Variants in PDE7B observed in about 807,000 individuals in gnomAD.
The protein encoded by PDE7B is 3',5'-cyclic-AMP phosphodiesterase 7B.
PDE7B carries 29 observed loss-of-function variants against 56.2 expected under a neutral mutation model. The observed-to-expected ratio is 0.52, with a 90% confidence interval of 0.38 to 0.70. The LOEUF is 0.70. Ranked by LOEUF, PDE7B falls within the 30% of genes least tolerant of loss-of-function variation. The probability of loss-of-function intolerance (pLI) is 0.00; values close to 1 mark genes in which losing one functional copy is unlikely to be tolerated. For synonymous variants in PDE7B, 197 were observed against 196.9 expected, an observed-to-expected ratio of 1.00 and a Z score of 0.00; for missense variants, 490 against 565.0, an observed-to-expected ratio of 0.87 and a Z score of 1.35.
At chr6:136,130,010 T>C (rs1191291006) in intron 3 of PDE7B, among the ~76,000 whole-genome samples, 1 of 152,180 alleles carries the variant, frequency 6.6e-6, no homozygotes, top group Non-Finnish European at 1.5e-5. Flanking sequence ...GCACGGTATG[T>C]GTATATTCAT....
chr6:136,127,680 G>A (rs1451175184), intron 3 of PDE7B, among the ~76,000 whole-genome samples: 5 of 152,098 alleles, frequency 3.3e-5, no homozygotes, highest in African/African-American at 9.7e-5. Flanking sequence ...TCTGAAATTC[G>A]ATATAATTAG....
At chr6:135,891,134 C>T (rs1268257329) in intron 1 of PDE7B, among the ~76,000 whole-genome samples, 1 of 152,158 alleles carries the variant, frequency 6.6e-6, no homozygotes, top group Admixed American at 6.5e-5. Flanking sequence ...ATTTTTCCCT[C>T]GGCATAAGCC....
At chr6:135,889,750 AT>A (rs35311247) in intron 1 of PDE7B, among the ~76,000 whole-genome samples, 1,657 of 74,830 alleles carry the variant, frequency 0.022, 24 homozygotes, top group African/African-American at 0.084. Flanking sequence ...CGGTGCTACC[AT>A]TTTTTTTTTT....
intron 1 of PDE7B, among the ~76,000 whole-genome samples, chr6:135,883,895 C>G (rs1357485814): frequency 1.3e-5 from 2 of 152,192 alleles, no homozygotes; most frequent in African/African-American, 4.8e-5. Flanking sequence ...TTCTGCCCAG[C>G]CTTGCTGGGT....
intron 3 of PDE7B, among the ~76,000 whole-genome samples, chr6:136,144,624 A>G (rs560677271): frequency 1.3e-5 from 2 of 152,264 alleles, no homozygotes; most frequent in South Asian, 4.1e-4. Flanking sequence ...TCTGATACAG[A>G]ATCCAGTTAA....
chr6:136,002,032 T>TG (rs1775678199), intron 2 of PDE7B, among the ~76,000 whole-genome samples: 1 of 152,044 alleles, frequency 6.6e-6, no homozygotes, highest in East Asian at 1.9e-4. Context: ...CAGAAGAGAG[T>TG]GGGGGCCAAT....
intron 1 of PDE7B, among the ~76,000 whole-genome samples, chr6:135,869,159 G>A (rs1465167148): frequency 1.3e-5 from 2 of 152,096 alleles, no homozygotes; most frequent in Admixed American, 1.3e-4. Context: ...AAAATTATAA[G>A]TAGTTTCCTT....
chr6:136,121,069 G>T (rs1777926154), intron 3 of PDE7B, among the ~76,000 whole-genome samples: 1 of 152,124 alleles, frequency 6.6e-6, no homozygotes, highest in South Asian at 2.1e-4. Context: ...TCTAGCAGTG[G>T]AAACAAGTTT....
At chr6:136,015,897 A>G (rs1452671021) in intron 2 of PDE7B, among the ~76,000 whole-genome samples, 2 of 152,220 alleles carry the variant, frequency 1.3e-5, no homozygotes, top group East Asian at 1.9e-4. Flanking sequence ...CCTTTAACTC[A>G]TGCAAGGATC....
intron 2 of PDE7B, among the ~76,000 whole-genome samples, chr6:136,004,383 T>C (rs1315970124): frequency 6.6e-6 from 1 of 151,932 alleles, no homozygotes; most frequent in Non-Finnish European, 1.5e-5. Context: ...AAATAAAGGG[T>C]ATTCAATTAG....
chr6:136,058,027 G>A (rs973747252), intron 2 of PDE7B, among the ~76,000 whole-genome samples: 7 of 152,234 alleles, frequency 4.6e-5, no homozygotes, highest in African/African-American at 1.7e-4. Flanking sequence ...ATGAGGCACT[G>A]CGCCCGCCTC....
intron 8 of PDE7B, among the ~76,000 whole-genome samples, chr6:136,161,711 A>C (rs2128448657): frequency 6.6e-6 from 1 of 152,314 alleles, no homozygotes; most frequent in Admixed American, 6.5e-5. Flanking sequence ...ATTGACCAAA[A>C]ATTCAAATAG....
At chr6:135,951,457 G>T (rs1774697093) in intron 2 of PDE7B, among the ~76,000 whole-genome samples, 3 of 152,244 alleles carry the variant, frequency 2.0e-5, no homozygotes, top group Admixed American at 1.3e-4. Context: ...AATGAAAACT[G>T]TTGGGCAAAA....
intron 1 of PDE7B, among the ~76,000 whole-genome samples, chr6:135,940,436 C>T (rs1774488705): frequency 6.6e-6 from 1 of 152,220 alleles, no homozygotes; most frequent in African/African-American, 2.4e-5. Flanking sequence ...TCATGATACA[C>T]TGTTAGCACA....
At chr6:136,087,289 C>G (rs1777309527) in intron 2 of PDE7B, among the ~76,000 whole-genome samples, 3 of 152,148 alleles carry the variant, frequency 2.0e-5, no homozygotes, top group African/African-American at 7.2e-5. Context: ...TTTTCTAAAG[C>G]TCTCTATCTG....
At chr6:136,061,942 T>C (rs935320926) in intron 2 of PDE7B, among the ~76,000 whole-genome samples, 2 of 152,222 alleles carry the variant, frequency 1.3e-5, no homozygotes, top group African/African-American at 4.8e-5. Context: ...AACTCAAACA[T>C]GGGATATTAG....
intron 1 of PDE7B, among the ~76,000 whole-genome samples, chr6:135,861,672 A>T (rs536595373): frequency 3.3e-5 from 5 of 151,614 alleles, no homozygotes; most frequent in East Asian, 1.9e-4. Flanking sequence ...TTAACTTAAG[A>T]TTCTTCCCTA....
intron 2 of PDE7B, among the ~76,000 whole-genome samples, chr6:136,098,315 T>C (rs1035131673): frequency 6.6e-6 from 1 of 152,122 alleles, no homozygotes; most frequent in Non-Finnish European, 1.5e-5. Context: ...AGAATATCTT[T>C]TCCTAATAAC....
At chr6:136,140,899 T>G (rs1279522121) in intron 3 of PDE7B, among the ~76,000 whole-genome samples, 2 of 152,074 alleles carry the variant, frequency 1.3e-5, no homozygotes, top group Non-Finnish European at 2.9e-5. Context: ...TATACAATCA[T>G]GTCGTCTGCA....
Sources: allele counts gnomAD v4.1 joint callset (sites outside exome capture counted in the v4.1 genomes callset), GRCh38; gene constraint gnomAD v4.1.1; transcripts MANE v1.5; gene names NCBI Gene and HGNC (gene_info 2026-07-23, HGNC 2026-07-21).